TEK: variants seen among roughly 807,000 people sequenced by gnomAD.
TEK encodes the protein TEK receptor tyrosine kinase, also known as angiopoietin-1 receptor.
A neutral mutation model predicts 131.8 loss-of-function variants in TEK; 43 were observed. The ratio of observed to expected loss-of-function variants is 0.33; its 90% confidence interval spans 0.26 to 0.42. TEK has a LOEUF of 0.42. Ranked by LOEUF, TEK falls within the 10% of genes least tolerant of loss-of-function variation. The probability of loss-of-function intolerance (pLI) is 1.00; values close to 1 mark genes in which losing one functional copy is unlikely to be tolerated. For missense variants in TEK, 1,162 were observed against 1,384.4 expected (o/e 0.84, Z 2.55); for synonymous variants, 580 against 491.6 (o/e 1.18, Z -2.38).
At position 27,202,889 on chromosome 9, in the gene TEK, C is replaced by T; in HGVS notation, c.1979C>T (p.Thr660Ile). 1 of 1,614,102 alleles carries T rather than the reference C, an allele frequency of 6.2e-7. No individual in the cohort carries two copies. Residue 660 changes from threonine (T) to isoleucine (I), a missense_variant, in exon 13 of 23, where the codon ACA becomes ATA. Physicochemically the swap from Thr to Ile is moderately conservative, Grantham distance 89. This residue lies in a region of TEK where 477 missense variants were observed against 471.0 expected (regional missense o/e 1.01). Coordinates refer to ENST00000380036, the MANE Select transcript of TEK (RefSeq NM_000459.5). ...ITHSSAVISWTILDGYSISSI... is the reference protein window; with the variant it reads ...ITHSSAVISWIILDGYSISSI... ...CACTCCTCAGCTGTGATTTCTTGGACAATATTGGATGGCTATTCTATTTCT... is the reference window on the plus strand; with the variant it reads ...CACTCCTCAGCTGTGATTTCTTGGATAATATTGGATGGCTATTCTATTTCT...
chr9:27,224,391 C>CAGCTGG (rs879633852), intron 21 of TEK, among the ~76,000 whole-genome samples: 10,730 of 152,176 alleles, frequency 0.071, 444 homozygotes, highest in East Asian at 0.1. Flanking sequence ...TCCAGCAGCA[C>CAGCTGG]ATCAAAAAGC....
chr9:27,151,965 G>T (rs185235761), intron 1 of TEK, among the ~76,000 whole-genome samples: 1 of 152,126 alleles, frequency 6.6e-6, no homozygotes, highest in Non-Finnish European at 1.5e-5. Flanking sequence ...TCATTGCCAC[G>T]GCCTTAATTC....
At chr9:27,182,530 G>A (rs2131168303) in intron 7 of TEK, among the ~76,000 whole-genome samples, 1 of 152,032 alleles carries the variant, frequency 6.6e-6, no homozygotes, top group East Asian at 1.9e-4. Flanking sequence ...TGAGAAGTAG[G>A]ATATCAGTAT....
intron 1 of TEK, among the ~76,000 whole-genome samples, chr9:27,126,579 A>C (rs1261127256): frequency 6.6e-6 from 1 of 152,206 alleles, no homozygotes; most frequent in Non-Finnish European, 1.5e-5. Context: ...CACTGTATAT[A>C]AAAATGACTA....
At position 27,169,471 on chromosome 9, in the gene TEK, T is replaced by C; in HGVS notation, c.476-6T>C. On this transcript the variant is annotated splice_polypyrimidine_tract_variant and splice_region_variant and intron_variant, in intron 3 of 22. Transcript: ENST00000380036. Reference sequence around the variant, plus strand: ...CCTACGGTTCTTCACTCTTCCCTCTTACTAGGTTCCTTCATCCATTCAGTG... The same window carrying C: ...CCTACGGTTCTTCACTCTTCCCTCTCACTAGGTTCCTTCATCCATTCAGTG... 6.2e-7 allele frequency: 1 copy of C among 1,613,856 alleles called. No individual in the cohort carries two copies. Among genetic ancestry groups the C allele is most frequent in the Non-Finnish European group, 8.5e-7 (1 of 1,179,848 alleles).
At chr9:27,169,674 G>GTTGT in intron 4 of TEK, 45 bp downstream of exon 4, 1 of 1,612,656 alleles carries the variant, frequency 6.2e-7, no homozygotes, top group South Asian at 1.1e-5. Flanking sequence ...TAGTTGTTAG[G>GTTGT]TTGTTAGGAT....
intron 19 of TEK, 67 bp downstream of exon 19, chr9:27,217,825 T>C: frequency 7.3e-7 from 1 of 1,376,466 alleles, no homozygotes; most frequent in African/African-American, 1.4e-5. Context: ...TTGACAGAGG[T>C]TTTAAAAAGA....
chr9:27,172,814 T>C, intron 5 of TEK, 67 bp downstream of exon 5: 5 of 1,597,572 alleles, frequency 3.1e-6, no homozygotes, highest in Non-Finnish European at 4.3e-6. Flanking sequence ...TCTAGAATTT[T>C]AGATCTCGAC....
At chr9:27,130,718 A>C (rs183727193) in intron 1 of TEK, among the ~76,000 whole-genome samples, 22 of 149,916 alleles carry the variant, frequency 1.5e-4, no homozygotes, top group Admixed American at 2.7e-4. Flanking sequence ...CTGGGATTAC[A>C]GGTGTGCACC....
chr9:27,165,108 C>T (rs1253211975), intron 2 of TEK, among the ~76,000 whole-genome samples: 2 of 151,634 alleles, frequency 1.3e-5, no homozygotes, highest in East Asian at 1.9e-4. Context: ...GTGATAATGC[C>T]CCTAAGAAAA....
intron 1 of TEK, among the ~76,000 whole-genome samples, chr9:27,145,785 A>G (rs1822895418): frequency 6.6e-6 from 1 of 152,256 alleles, no homozygotes; most frequent in South Asian, 2.1e-4. Context: ...GGCGTTGAAG[A>G]CAGAAAGCTC....
In TEK at chr9:27,212,910, G is replaced by T; in HGVS notation, c.2877+13G>T. On this transcript the variant is annotated intron_variant, in intron 17 of 22. Transcript: ENST00000380036. ...GAGCCAAAAACAGGTTTGTCCGGAG[G>T]ACTTCGCTTTGGATATCTTTCCTGT... The T allele has an allele frequency of 1.2e-6, 2 of 1,612,888 alleles. No individual in the cohort carries two copies. Among genetic ancestry groups the T allele is most frequent in the Non-Finnish European group, 8.5e-7 (1 of 1,179,880 alleles).
chr9:27,211,725 C>T (rs1187562082), intron 16 of TEK, among the ~76,000 whole-genome samples: 1 of 152,000 alleles, frequency 6.6e-6, no homozygotes, highest in African/African-American at 2.4e-5. Context: ...CTGCCTTGGC[C>T]TCCCAGAGTG....
chr9:27,179,857 C>T (rs531233208), intron 6 of TEK, among the ~76,000 whole-genome samples: 11 of 152,232 alleles, frequency 7.2e-5, no homozygotes, highest in Admixed American at 3.3e-4. Flanking sequence ...AGCTTCCATA[C>T]GTGGTGTCAA....
At chr9:27,221,168 G>T (rs906366272) in intron 21 of TEK, among the ~76,000 whole-genome samples, 4 of 152,124 alleles carry the variant, frequency 2.6e-5, no homozygotes, top group African/African-American at 9.7e-5. Flanking sequence ...GTTCGAACTG[G>T]GTGGAGCCCA....
At chr9:27,159,350 G>C (rs1237118464) in intron 2 of TEK, among the ~76,000 whole-genome samples, 2 of 152,280 alleles carry the variant, frequency 1.3e-5, no homozygotes, top group Admixed American at 1.3e-4. Flanking sequence ...TATCACTTCT[G>C]CTTCATTTTA....
intron 8 of TEK, among the ~76,000 whole-genome samples, chr9:27,185,054 T>C (rs1420806801): frequency 6.8e-6 from 1 of 146,410 alleles, no homozygotes; most frequent in Non-Finnish European, 1.5e-5. Context: ...AAAAAAAAAA[T>C]GGCAGAGGTC....
chr9:27,133,778 G>C (rs1213716375), intron 1 of TEK, among the ~76,000 whole-genome samples: 2 of 152,162 alleles, frequency 1.3e-5, no homozygotes, highest in East Asian at 3.9e-4. Flanking sequence ...ATTTCAACCA[G>C]AGTAATTATA....
intron 1 of TEK, among the ~76,000 whole-genome samples, chr9:27,118,389 C>T (rs112440032): frequency 6.6e-6 from 1 of 152,112 alleles, no homozygotes; most frequent in African/African-American, 2.4e-5. Context: ...AATCCCAGCA[C>T]TTTGGGAGGC....
Sources: allele counts gnomAD v4.1 joint callset (sites outside exome capture counted in the v4.1 genomes callset), GRCh38; gene constraint gnomAD v4.1.1; regional missense constraint gnomAD v4.1.1; transcripts MANE v1.5; gene names NCBI Gene and HGNC (gene_info 2026-07-23, HGNC 2026-07-21).